The following RIMS1 variants were observed in gnomAD, a reference collection of about 807,000 sequenced individuals.
RIMS1 encodes the protein regulating synaptic membrane exocytosis protein 1.
Under a neutral mutation model 214.1 loss-of-function variants are expected in RIMS1, and 83 were observed. That is an observed-to-expected ratio of 0.39 (90% CI 0.32 to 0.47). RIMS1 has a LOEUF of 0.47. Ranked by LOEUF, RIMS1 falls within the 20% of genes least tolerant of loss-of-function variation. RIMS1 has a pLI of 0.99. For missense variants in RIMS1, 2,050 were observed against 2,161.8 expected (o/e 0.95, Z 1.03); for synonymous variants, 793 against 786.8 (o/e 1.01, Z -0.13).
At chr6:72,187,436 T>C (rs1361291474) in intron 6 of RIMS1, among the ~76,000 whole-genome samples, 2 of 151,248 alleles carry the variant, frequency 1.3e-5, no homozygotes, top group African/African-American at 4.9e-5. Context: ...AGGTATTAAA[T>C]AGAAATGTAG....
At chr6:72,340,636 G>A (rs1466401229) in intron 29 of RIMS1, among the ~76,000 whole-genome samples, 1 of 151,998 alleles carries the variant, frequency 6.6e-6, no homozygotes, top group South Asian at 2.1e-4. Context: ...TGTTCCATTG[G>A]TCTATATCTC....
chr6:71,937,521 G>T (rs533288644), intron 1 of RIMS1, among the ~76,000 whole-genome samples: 1 of 152,260 alleles, frequency 6.6e-6, no homozygotes, highest in South Asian at 2.1e-4. Flanking sequence ...CCAAAGTGCT[G>T]GGATTACAGT....
At chr6:71,989,940 A>ATGC (rs1801087692) in intron 2 of RIMS1, among the ~76,000 whole-genome samples, 1 of 152,162 alleles carries the variant, frequency 6.6e-6, no homozygotes, top group Non-Finnish European at 1.5e-5. Context: ...ATCTCAGAGC[A>ATGC]TGCTGTCCAT....
intron 13 of RIMS1, among the ~76,000 whole-genome samples, 195 bp from the exon 14 acceptor site, chr6:72,250,726 A>G (rs2072899471): frequency 6.6e-6 from 1 of 152,154 alleles, no homozygotes; most frequent in South Asian, 2.1e-4. Context: ...GTACCTTTGT[A>G]TGTGTCCCTA....
At chr6:72,118,052 T>C (rs1159420752) in intron 4 of RIMS1, among the ~76,000 whole-genome samples, 1 of 146,964 alleles carries the variant, frequency 6.8e-6, no homozygotes, top group Non-Finnish European at 1.5e-5. Context: ...AAAGAAGAAA[T>C]AAGATCCAAA....
chr6:71,972,055 A>G (rs1461544556), intron 2 of RIMS1, among the ~76,000 whole-genome samples: 1 of 152,210 alleles, frequency 6.6e-6, no homozygotes, highest in African/African-American at 2.4e-5. Context: ...TACATAGAAA[A>G]AAAAATAAGA....
chr6:72,214,283 G>T (rs958708344), intron 6 of RIMS1, among the ~76,000 whole-genome samples: 7 of 152,052 alleles, frequency 4.6e-5, no homozygotes, highest in East Asian at 3.9e-4. Flanking sequence ...ACCAAACAGG[G>T]TTTGGTAACA....
chr6:72,052,673 A>G lies in RIMS1; in HGVS notation c.246-44276A>G, dbSNP rs141923619. Among the ~76,000 whole-genome samples the G allele has an allele frequency of 6.8e-3, 1,034 of 152,298 alleles. 9 individuals are homozygous for G. Among genetic ancestry groups the G allele is most frequent in the African/African-American group, 0.023 (974 of 41,572 alleles). On this transcript the variant is annotated intron_variant, in intron 2 of 33. Transcript: ENST00000521978. ...TTAATCTCAATTTCCTTATGTGTAA[A>G]AATAATATGAGATTTACTGAGGTTT...
Position 72,151,041 on chromosome 6 carries a change from A to AT in RIMS1, c.472-28524dup, listed in dbSNP as rs965069085. Among the ~76,000 whole-genome samples the AT allele has an allele frequency of 2.0e-3, 298 of 149,320 alleles. 2 individuals are homozygous for AT. The East Asian group carries it at 0.037, about 19-fold the overall frequency. ...ATAAAGTTGGAAAGACATATATTCT[A>AT]TTTTTTTTTTCTTTTTTTTGAGACG... On this transcript the variant is annotated intron_variant, in intron 4 of 33. Transcript: ENST00000521978.
intron 4 of RIMS1, among the ~76,000 whole-genome samples, chr6:72,106,313 CAA>C (rs1391518798): frequency 4.0e-5 from 6 of 151,876 alleles, no homozygotes; most frequent in Non-Finnish European, 8.8e-5. Flanking sequence ...TTTTATTGAC[CAA>C]TAAAGTGCTG....
At chr6:71,900,779 C>A (rs1308871273) in intron 1 of RIMS1, among the ~76,000 whole-genome samples, 1 of 151,928 alleles carries the variant, frequency 6.6e-6, no homozygotes, top group Non-Finnish European at 1.5e-5. Context: ...AGATATTAAG[C>A]AGGTTAAAGG....
intron 1 of RIMS1, among the ~76,000 whole-genome samples, chr6:71,965,467 C>A (rs1045438166): frequency 1.3e-5 from 2 of 152,158 alleles, no homozygotes; most frequent in African/African-American, 4.8e-5. Context: ...GAGATGAAAG[C>A]CTTGCCATAG....
In RIMS1 at chr6:71,922,419, T is replaced by C. The variant is rs1426633075; in HGVS notation, c.164+35232T>C. Reference sequence around the variant, plus strand: ...TAAATGCACTCATGCCATATTTGTCTTTCTGTGTGTGGCTTATTTTTGAGG... The same window carrying C: ...TAAATGCACTCATGCCATATTTGTCCTTCTGTGTGTGGCTTATTTTTGAGG... On this transcript the variant is annotated intron_variant, in intron 1 of 33. Coordinates refer to ENST00000521978, the MANE Select transcript of RIMS1 (RefSeq NM_014989.7). Among the ~76,000 whole-genome samples the C allele has an allele frequency of 3.3e-5, 5 of 152,202 alleles. No homozygotes were observed. The South Asian group carries it at 6.2e-4, about 19-fold the overall frequency.
chr6:71,948,049 C>T (rs1460373133), intron 1 of RIMS1, among the ~76,000 whole-genome samples: 1 of 151,922 alleles, frequency 6.6e-6, no homozygotes, highest in Non-Finnish European at 1.5e-5. Context: ...TGAATGTGTT[C>T]AAGATACTGA....
chr6:72,005,554 A>T (rs926074955), intron 2 of RIMS1, among the ~76,000 whole-genome samples: 2 of 152,202 alleles, frequency 1.3e-5, no homozygotes, highest in Non-Finnish European at 2.9e-5. Flanking sequence ...TGTTTGAGAA[A>T]ATTGTATTTG....
intron 10 of RIMS1, among the ~76,000 whole-genome samples, chr6:72,242,833 A>G (rs555789046): frequency 2.6e-5 from 4 of 151,892 alleles, no homozygotes; most frequent in South Asian, 4.1e-4. Flanking sequence ...TCATATGTCT[A>G]CATGAACTTT....
At chr6:72,256,219 A>C (rs1396509328) in intron 16 of RIMS1, among the ~76,000 whole-genome samples, 1 of 152,092 alleles carries the variant, frequency 6.6e-6, no homozygotes, top group Admixed American at 6.6e-5. Flanking sequence ...AAGGTCATTC[A>C]CTATAGAGTC....
intron 2 of RIMS1, among the ~76,000 whole-genome samples, chr6:72,000,706 T>A (rs1804908327): frequency 1.3e-5 from 2 of 152,180 alleles, no homozygotes; most frequent in Admixed American, 1.3e-4. Context: ...TAGCCACAAA[T>A]ACATTTCCAG....
chr6:71,912,876 T>A (rs1472257097), intron 1 of RIMS1, among the ~76,000 whole-genome samples: 2 of 152,174 alleles, frequency 1.3e-5, no homozygotes, highest in Non-Finnish European at 2.9e-5. Flanking sequence ...TGTTTCAGTA[T>A]TATTTTGCAA....
Sources: gnomAD v4.1 joint callset for allele counts (sites outside exome capture counted in the v4.1 genomes callset) on GRCh38, gnomAD v4.1.1 for gene constraint, MANE v1.5 for transcripts, NCBI Gene and HGNC (gene_info 2026-07-23, HGNC 2026-07-21) for gene names.